SLC4A2: variants seen among roughly 807,000 people sequenced by gnomAD.
SLC4A2 encodes the protein solute carrier family 4 member 2, also known as anion exchange protein 2.
SLC4A2 carries 36 observed loss-of-function variants against 115.0 expected under a neutral mutation model. The observed-to-expected ratio is 0.31, with a 90% CI of 0.24 to 0.41. The LOEUF (loss-of-function observed/expected upper bound fraction) is 0.41. Among genes scored for constraint, SLC4A2 ranks in the 10% least tolerant of loss-of-function variants. The pLI, the probability that SLC4A2 is intolerant of heterozygous loss-of-function variation, is 1.00. For missense variants in SLC4A2, 1,252 were observed against 1,705.6 expected, an observed-to-expected ratio of 0.73 and a Z score of 4.68; for synonymous variants, 708 against 708.3, an observed-to-expected ratio of 1.00 and a Z score of 0.01.
Position 151,072,103 on chromosome 7 carries a change from C to T in SLC4A2, c.2502C>T (p.Ile834=), listed in dbSNP as rs199753021. Residue 834 remains isoleucine (I), a synonymous_variant, in exon 16 of 23, where the codon ATC becomes ATT. Transcript: ENST00000413384. ...TCTTCGCCTTCTTGATCTCACTCATCTTCATCTATGAGACCTTCTACAAGC... is the reference window on the plus strand; with the variant it reads ...TCTTCGCCTTCTTGATCTCACTCATTTTCATCTATGAGACCTTCTACAAGC... ...QEIFAFLISL[I]FIYETFYKLV... 3.1e-6 allele frequency: 5 copies of T among 1,614,000 alleles called. No individual in the cohort carries two copies. In the African/African-American group the frequency reaches 5.3e-5, roughly 17 times the overall value.
At chr7:151,061,440 C>G (rs1797042815) in intron 1 of SLC4A2, 1 of 154,662 alleles carries the variant, frequency 6.5e-6, no homozygotes, top group South Asian at 2.0e-4. Context: ...TCGTCTGCTT[C>G]CTGTCTCGGC....
Position 151,070,452 on chromosome 7 carries a change from C to T in SLC4A2, c.1450-5C>T, listed in dbSNP as rs1186186608. ...GCTGGGCTGAGCCCTGTCTGTGTCC[C>T]CCAGCGTGAGCTGCCGCCTCCAGCA... On this transcript the variant is annotated splice_polypyrimidine_tract_variant and splice_region_variant and intron_variant, in intron 10 of 22. Transcript: ENST00000413384. 2 of 1,611,650 alleles carry T rather than the reference C, an allele frequency of 1.2e-6. No homozygotes were observed. Among genetic ancestry groups the T allele is most frequent in the Admixed American group, 1.7e-5 (1 of 59,732 alleles).
At chr7:151,075,042 C>T (rs1392859241) in intron 19 of SLC4A2, 3 of 878,072 alleles carry the variant, frequency 3.4e-6, no homozygotes, top group Non-Finnish European at 5.4e-6. Flanking sequence ...GAGGGGCAGG[C>T]CACCCTGGCA....
At chr7:151,059,431 C>T (rs1429903854), upstream of SLC4A2, 1 of 152,020 alleles carries the variant, frequency 6.6e-6, no homozygotes, top group Non-Finnish European at 1.5e-5. The surrounding 1 kb of genome is among the most constrained non-coding windows in gnomAD (Gnocchi z 5.8). Context: ...ACGGCATCCT[C>T]GGGGCTCCCG....
In SLC4A2 at chr7:151,066,583, C is replaced by CG. The variant is rs1797243938; in HGVS notation, c.650dup (p.Ala218CysfsTer31). 6.5e-7 allele frequency: 1 copy of CG among 1,547,236 alleles called. No individual in the cohort carries two copies. The highest frequency in any genetic ancestry group is 8.7e-7 in the Non-Finnish European group (1 of 1,146,080). On this transcript the variant is annotated frameshift_variant, in exon 6 of 23. Transcript: ENST00000413384. LOFTEE classifies it high-confidence loss of function. The stretch of plus-strand genomic sequence containing the variant: ...CCAGTGGCACTGCAGGGGGTGACGA[C>CG]GGGGGTGCCTCGGGGCGCCCCCTGC...
chr7:151,073,622 A>G (rs1010449734), intron 16 of SLC4A2, among the ~76,000 whole-genome samples: 4 of 152,088 alleles, frequency 2.6e-5, no homozygotes, highest in East Asian at 1.9e-4. Flanking sequence ...TAAAACTCAC[A>G]TTTTTTAATA....
chr7:151,075,161 C>G, intron 19 of SLC4A2, 94 bp from the exon 20 acceptor site: 2 of 1,536,652 alleles, frequency 1.3e-6, no homozygotes, highest in Non-Finnish European at 1.8e-6. Context: ...GTTCCAAAGC[C>G]AGATGGAGGG....
rs376883153 is a variant in SLC4A2 at position 151,064,781 on chromosome 7, G to A, written c.459+14G>A. 2.6e-5 allele frequency: 41 copies of A among 1,607,134 alleles called. 1 individual carries two copies. The highest frequency in any genetic ancestry group is 2.1e-4 in the South Asian group (19 of 90,842). On this transcript the variant is annotated intron_variant, in intron 4 of 22. Transcript: ENST00000413384. The stretch of plus-strand genomic sequence containing the variant: ...TCCTCGGTGCAGGTGCGCTGGGTGC[G>A]GGCTCCTAGGGCATGTCGGCAGGGC...
In SLC4A2 at chr7:151,071,601, G is replaced by T; in HGVS notation, c.2187G>T (p.Leu729=). ...ALSPAITFGG[L]LGEKTQDLIG... is the part of the protein sequence containing the mutation. ...CTCCTGCCATCACCTTTGGGGGGCT[G>T]CTGGGTGAGGAGAGCCTTCAGGTAG... The change falls in exon 14 of 23, where the codon CTG becomes CTT. Residue 729 remains leucine (L), a synonymous_variant. Transcript: ENST00000413384. The surrounding 1 kb of genome is among the most constrained non-coding windows in gnomAD (Gnocchi z 5.5). 1 of 1,613,884 alleles carries T rather than the reference G, an allele frequency of 6.2e-7. No homozygotes were observed.
intron 1 of SLC4A2, among the ~76,000 whole-genome samples, chr7:151,061,038 A>C (rs1172484974): frequency 6.7e-6 from 1 of 149,368 alleles, no homozygotes; most frequent in Non-Finnish European, 1.5e-5. Flanking sequence ...CTCTGCCCCC[A>C]CCACACAGTG....
At chr7:151,067,180 C>T (rs1426070184) in intron 7 of SLC4A2, among the ~76,000 whole-genome samples, 187 bp downstream of exon 7, 1 of 152,238 alleles carries the variant, frequency 6.6e-6, no homozygotes, top group Non-Finnish European at 1.5e-5. Flanking sequence ...CCTCTGCCTC[C>T]TGGGTTTAAG....
chr7:151,076,263 T>C, intron 22 of SLC4A2, 24 bp from the exon 23 acceptor site: 1 of 1,581,666 alleles, frequency 6.3e-7, no homozygotes, highest in Non-Finnish European at 8.6e-7. Flanking sequence ...CTTCCCTTCT[T>C]GACCGCCACC....
At chr7:151,072,175 G>C (rs1406189260) in intron 16 of SLC4A2, 39 bp downstream of exon 16, 3 of 1,568,990 alleles carry the variant, frequency 1.9e-6, no homozygotes, top group Non-Finnish European at 2.6e-6. Context: ...CAGGAGGGCC[G>C]AGGTCTCAGG....
chr7:151,070,293 A>G lies in SLC4A2; in HGVS notation c.1396A>G (p.Thr466Ala). ...GQGAESDPHVTEPLMGGVPET... is the reference protein window; with the variant it reads ...GQGAESDPHVAEPLMGGVPET... Reference sequence around the variant, plus strand: ...GGGGGCTGAGAGTGACCCCCACGTCACCGAGCCTCTCATGGGAGGTGTTCC... The same window carrying G: ...GGGGGCTGAGAGTGACCCCCACGTCGCCGAGCCTCTCATGGGAGGTGTTCC... Residue 466 changes from threonine (T) to alanine (A), a missense_variant, in exon 10 of 23, where the codon ACC becomes GCC. Around this residue, in one of 14 missense-constraint regions of SLC4A2, gnomAD observed 142 missense variants for 153.5 expected, o/e 0.93. Transcript: ENST00000413384. The G allele has an allele frequency of 6.2e-7, 1 of 1,613,346 alleles. No individual in the cohort carries two copies. The highest frequency in any genetic ancestry group is 8.5e-7 in the Non-Finnish European group (1 of 1,179,772).
chr7:151,074,952 C>T, intron 19 of SLC4A2, 111 bp downstream of exon 19: 1 of 1,139,924 alleles, frequency 8.8e-7, no homozygotes, highest in Non-Finnish European at 1.2e-6. Context: ...CTCAGGGAAC[C>T]TTGGATGCCC....
At chr7:151,075,183 A>G (rs779940532) in intron 19 of SLC4A2, 72 bp from the exon 20 acceptor site, 2 of 1,591,432 alleles carry the variant, frequency 1.3e-6, no homozygotes, top group Non-Finnish European at 1.7e-6. Flanking sequence ...CTGGCTGGGC[A>G]TTCTGGAAAG....
chr7:151,074,337 G>T (rs1340497125), intron 17 of SLC4A2, 44 bp downstream of exon 17: 1 of 1,610,534 alleles, frequency 6.2e-7, no homozygotes, highest in African/African-American at 1.3e-5. Context: ...GGCAGGAAGG[G>T]GGGTGGCAGG....
rs531007948 is a variant in SLC4A2, at chr7:151,071,448, G to C, written c.2034G>C (p.Thr678=). 914 of 1,607,834 alleles carry C rather than the reference G, an allele frequency of 5.7e-4. 10 individuals carry two copies. In the South Asian group the frequency reaches 9.5e-3, roughly 17 times the overall value. The change falls in exon 14 of 23, where the codon ACG becomes ACC. Residue 678 remains threonine (T), a synonymous_variant. Coordinates refer to ENST00000413384, the MANE Select transcript of SLC4A2 (RefSeq NM_003040.4). This position sits in a 1 kb window ranked among gnomAD's most constrained non-coding sequence, Gnocchi z 5.5. ...GAAEDDPLRR[T]GRPFGGLIRD... is the part of the protein sequence containing the mutation. ...CTGAAGATGATCCCCTTCGGCGGAC[G>C]GGGCGGCCCTTTGGGGGGCTGATCC...
In SLC4A2 at chr7:151,061,820, T is replaced by A. The variant is rs1584980561; in HGVS notation, c.-63-105T>A. The stretch of plus-strand genomic sequence containing the variant: ...CTGTGGCTGCCGCTAAGGGCCACTC[T>A]GAGGCCCTTCATACTCCAGGAGGAT... On this transcript the variant is annotated intron_variant, in intron 1 of 22. Coordinates refer to ENST00000413384, the MANE Select transcript of SLC4A2 (RefSeq NM_003040.4). The A allele has an allele frequency of 1.8e-5, 11 of 621,406 alleles. No individual in the cohort carries two copies. The East Asian group carries it at 3.0e-4, about 17-fold the overall frequency. 38.5% of individuals were successfully genotyped at this position (621,406 alleles called of 1,614,324 possible). A position where few individuals can be genotyped will look rare whatever the true frequency, so the allele number is the denominator to read the frequency against.
Sources: allele counts gnomAD v4.1 joint callset (sites outside exome capture counted in the v4.1 genomes callset), GRCh38; gene constraint gnomAD v4.1.1; regional missense constraint gnomAD v4.1.1; non-coding constraint Gnocchi (gnomAD v3.1); transcripts MANE v1.5; gene names NCBI Gene and HGNC (gene_info 2026-07-23, HGNC 2026-07-21).